WWOX: variants seen among roughly 807,000 people sequenced by gnomAD.
The protein encoded by WWOX is WW domain-containing oxidoreductase.
WWOX carries 69 observed loss-of-function variants against 46.2 expected under a neutral mutation model. The ratio of observed to expected loss-of-function variants is 1.49; its 90% confidence interval spans 1.23 to 1.82. The LOEUF (loss-of-function observed/expected upper bound fraction) is 1.82, where lower values mean the gene tolerates loss of function less well. WWOX is among the 40% of genes most tolerant of loss of function. WWOX has a pLI of 0.00. For synonymous variants in WWOX, 359 were observed against 202.6 expected, an observed-to-expected ratio of 1.77 and a Z score of -6.56; for missense variants, 919 against 542.6, an observed-to-expected ratio of 1.69 and a Z score of -6.89.
rs117703128 is a variant in WWOX, at chr16:78,230,697, C to A, written c.516+66408C>A. On this transcript the variant is annotated intron_variant, in intron 5 of 8. Transcript: ENST00000566780. ...CCTGCTAGGAAGCATGGTCTCAGAT[C>A]CACTTCTAAGGTCAGTGTGAAAGGG... 2.0e-3 allele frequency among the ~76,000 whole-genome samples: 306 copies of A among 152,264 alleles called. 1 individual carries two copies. Among genetic ancestry groups the A allele is most frequent in the Admixed American group, 3.3e-3 (50 of 15,294 alleles).
rs542793140 is a variant in WWOX, at chr16:78,113,590, G to C, written c.231-1386G>C. 5.3e-5 allele frequency among the ~76,000 whole-genome samples: 8 copies of C among 152,266 alleles called. No individual in the cohort carries two copies. The South Asian group carries it at 8.3e-4, about 16-fold the overall frequency. On this transcript the variant is annotated intron_variant, in intron 3 of 8. Coordinates refer to ENST00000566780, the MANE Select transcript of WWOX (RefSeq NM_016373.4). ...GGCTAGTTCTCACTTTTCTGAGCCT[G>C]TTGCAGTGGGGTGCTGGTAAATGTT...
chr16:78,821,337 C>T (rs1051073463), intron 8 of WWOX, among the ~76,000 whole-genome samples: 17 of 152,222 alleles, frequency 1.1e-4, no homozygotes, highest in African/African-American at 2.4e-4. Flanking sequence ...GGAAGCCAAG[C>T]GCCCCCCAGC....
intron 8 of WWOX, among the ~76,000 whole-genome samples, chr16:78,925,920 G>C (rs918112752): frequency 2.0e-5 from 3 of 152,158 alleles, no homozygotes; most frequent in African/African-American, 4.8e-5. Flanking sequence ...TAGAATGTGG[G>C]ACTGTTTCAG....
intron 8 of WWOX, among the ~76,000 whole-genome samples, chr16:79,109,055 C>G (rs942019529): frequency 1.3e-5 from 2 of 151,852 alleles, no homozygotes; most frequent in Non-Finnish European, 2.9e-5. Flanking sequence ...AGTGTGTTGT[C>G]TTTGTGTCCG....
At chr16:78,226,720 C>T (rs139785163) in intron 5 of WWOX, among the ~76,000 whole-genome samples, 17 of 152,106 alleles carry the variant, frequency 1.1e-4, no homozygotes, top group East Asian at 1.9e-4. Context: ...AGGTAATAGA[C>T]GCCGGCATGG....
At chr16:78,922,678 C>G (rs747105168) in intron 8 of WWOX, among the ~76,000 whole-genome samples, 1 of 152,150 alleles carries the variant, frequency 6.6e-6, no homozygotes, top group Non-Finnish European at 1.5e-5. Context: ...GACCACCAGC[C>G]TCAGTGAATG....
chr16:79,097,483 A>G (rs576236818), intron 8 of WWOX, among the ~76,000 whole-genome samples: 45 of 152,150 alleles, frequency 3.0e-4, no homozygotes, highest in Middle Eastern at 3.4e-3. Context: ...AGCAAAATCC[A>G]TATTTTGTTC....
intron 8 of WWOX, among the ~76,000 whole-genome samples, chr16:78,707,023 A>G (rs979472932): frequency 1.3e-5 from 2 of 152,196 alleles, no homozygotes; most frequent in Non-Finnish European, 2.9e-5. Context: ...ACCATGATCC[A>G]TGTAAACCAT....
At chr16:78,958,792 G>C (rs773822482) in intron 8 of WWOX, among the ~76,000 whole-genome samples, 5 of 152,186 alleles carry the variant, frequency 3.3e-5, no homozygotes, top group Non-Finnish European at 5.9e-5. Context: ...TCTGAAAATA[G>C]GACATGGTTG....
At chr16:79,047,048 A>G (rs1348156912) in intron 8 of WWOX, among the ~76,000 whole-genome samples, 2 of 152,244 alleles carry the variant, frequency 1.3e-5, no homozygotes, top group African/African-American at 2.4e-5. Context: ...TTTAATTTAC[A>G]TATGTCCTTG....
chr16:79,192,940 A>G (rs1161595596), intron 8 of WWOX, among the ~76,000 whole-genome samples: 5 of 152,208 alleles, frequency 3.3e-5, no homozygotes, highest in African/African-American at 7.2e-5. Flanking sequence ...GAAAAGGTGA[A>G]TGAAGGAAGG....
At chr16:78,247,332 G>A (rs936381110) in intron 5 of WWOX, among the ~76,000 whole-genome samples, 3 of 152,058 alleles carry the variant, frequency 2.0e-5, no homozygotes, top group African/African-American at 7.2e-5. Flanking sequence ...AGTCCTTAGC[G>A]AACAATGCAC....
At chr16:78,277,770 C>T (rs993793444) in intron 5 of WWOX, among the ~76,000 whole-genome samples, 13 of 152,070 alleles carry the variant, frequency 8.5e-5, no homozygotes, top group African/African-American at 2.4e-4. Flanking sequence ...AGATTCCCCC[C>T]GGGTGTGAAG....
chr16:78,670,361 T>G (rs1285640275), intron 8 of WWOX, among the ~76,000 whole-genome samples: 4 of 152,202 alleles, frequency 2.6e-5, no homozygotes. Context: ...TGACCCTGGT[T>G]CATCCCGGAA....
chr16:78,790,665 G>C (rs1454906211), intron 8 of WWOX, among the ~76,000 whole-genome samples: 1 of 152,040 alleles, frequency 6.6e-6, no homozygotes, highest in Non-Finnish European at 1.5e-5. Context: ...TGAAACACAA[G>C]TACAAAGGTT....
At chr16:78,722,187 C>T (rs780341763) in intron 8 of WWOX, among the ~76,000 whole-genome samples, 29 of 152,164 alleles carry the variant, frequency 1.9e-4, no homozygotes, top group African/African-American at 6.3e-4. Flanking sequence ...CAGTAGAGGA[C>T]ACCAAGGCAC....
At chr16:78,432,795 G>A in intron 8 of WWOX, 43 bp downstream of exon 8, 1 of 1,613,632 alleles carries the variant, frequency 6.2e-7, no homozygotes, top group South Asian at 1.1e-5. Flanking sequence ...TTGGGTCCTA[G>A]AGAAACCTGC....
intron 8 of WWOX, among the ~76,000 whole-genome samples, chr16:79,006,171 G>T (rs1567477978): frequency 6.6e-6 from 1 of 152,224 alleles, no homozygotes; most frequent in South Asian, 2.1e-4. Context: ...ACAGAAAGCA[G>T]AAGATGGGGT....
chr16:78,746,591 C>A (rs543889459), intron 8 of WWOX, among the ~76,000 whole-genome samples: 1 of 151,758 alleles, frequency 6.6e-6, no homozygotes, highest in South Asian at 2.1e-4. Context: ...GGCTCTTGGC[C>A]TTGTAATTTT....
Sources: allele counts gnomAD v4.1 joint callset (sites outside exome capture counted in the v4.1 genomes callset), GRCh38; gene constraint gnomAD v4.1.1; transcripts MANE v1.5; gene names NCBI Gene and HGNC (gene_info 2026-07-23, HGNC 2026-07-21).